SCAMP1: variants seen among roughly 807,000 people sequenced by gnomAD.
The protein encoded by SCAMP1 is secretory carrier-associated membrane protein 1.
In SCAMP1, 15 loss-of-function variants were observed where a neutral mutation model predicts 41.8. The observed-to-expected ratio is 0.36, with a 90% CI of 0.24 to 0.55. The LOEUF is 0.55. Ranked by LOEUF, SCAMP1 falls within the 20% of genes least tolerant of loss-of-function variation. The pLI is 0.86. For missense variants in SCAMP1, 341 were observed against 412.6 expected (o/e 0.83, Z 1.50); for synonymous variants, 135 against 136.8 (o/e 0.99, Z 0.09).
At position 78,430,372 on chromosome 5, in the gene SCAMP1, G is replaced by A. The variant is rs148781794; in HGVS notation, c.632+8412G>A. Among the ~76,000 whole-genome samples the A allele has an allele frequency of 4.5e-4, 66 of 145,476 alleles. 1 individual carries two copies. Among genetic ancestry groups the A allele is most frequent in the African/African-American group, 1.6e-3 (63 of 38,704 alleles). On this transcript the variant is annotated intron_variant, in intron 6 of 8. Coordinates refer to ENST00000621999, the MANE Select transcript of SCAMP1 (RefSeq NM_004866.6). The stretch of plus-strand genomic sequence containing the variant: ...GTACAGCTGTATTGCTACAGTAAAT[G>A]CCTTATTTTGATCTGTTGCTTTATT...
intron 2 of SCAMP1, among the ~76,000 whole-genome samples, chr5:78,389,969 A>G (rs1211248032): frequency 6.6e-6 from 1 of 152,200 alleles, no homozygotes; most frequent in Non-Finnish European, 1.5e-5. Context: ...GCTTCTAGAA[A>G]ATTATCAAAT....
At chr5:78,414,189 A>T (rs1226616650) in intron 2 of SCAMP1, among the ~76,000 whole-genome samples, 2 of 151,934 alleles carry the variant, frequency 1.3e-5, no homozygotes, top group Admixed American at 1.3e-4. Flanking sequence ...CAGATATTTT[A>T]TGGGGGCATG....
At chr5:78,375,496 A>G (rs576516306) in intron 1 of SCAMP1, among the ~76,000 whole-genome samples, 1 of 152,300 alleles carries the variant, frequency 6.6e-6, no homozygotes, top group East Asian at 1.9e-4. Context: ...GCTAACCTAG[A>G]TGAATTTTCT....
At chr5:78,374,832 G>A (rs1282083315) in intron 1 of SCAMP1, among the ~76,000 whole-genome samples, 1 of 151,974 alleles carries the variant, frequency 6.6e-6, no homozygotes, top group African/African-American at 2.4e-5. Context: ...AGACTGTTAC[G>A]ACCCTTGCCA....
At chr5:78,459,714 A>T (rs775471632) in intron 8 of SCAMP1, among the ~76,000 whole-genome samples, 31 of 152,158 alleles carry the variant, frequency 2.0e-4, no homozygotes, top group Non-Finnish European at 3.5e-4. Flanking sequence ...TAAAATTATT[A>T]TGTGATATGT....
chr5:78,478,579 A>G lies in SCAMP1; in HGVS notation c.*2911A>G, dbSNP rs1467255906. On this transcript the variant is annotated 3_prime_UTR_variant, in exon 9 of 9. Coordinates refer to ENST00000621999, the MANE Select transcript of SCAMP1 (RefSeq NM_004866.6). ...CTAGAAGTTAGATTCAAAATGGAAA[A>G]CCTATTCATGGCTCAGATTTTTCAT... 6.6e-6 allele frequency: 1 copy of G among 152,078 alleles called. No homozygotes were observed. The highest frequency in any genetic ancestry group is 2.4e-5 in the African/African-American group (1 of 41,426). 9.4% of individuals were successfully genotyped at this position (152,078 alleles called of 1,614,324 possible).
chr5:78,362,460 C>T (rs1022170157), intron 1 of SCAMP1, among the ~76,000 whole-genome samples: 6 of 152,198 alleles, frequency 3.9e-5, no homozygotes, highest in Admixed American at 3.3e-4. Context: ...TTCTGACATT[C>T]ATAAAGTTGC....
intron 2 of SCAMP1, among the ~76,000 whole-genome samples, chr5:78,403,052 G>A (rs556387826): frequency 3.9e-5 from 6 of 152,060 alleles, no homozygotes; most frequent in South Asian, 4.2e-4. Flanking sequence ...TGTATTTTTC[G>A]TAGAGGCAGG....
At chr5:78,443,281 G>T (rs1022760311) in intron 6 of SCAMP1, among the ~76,000 whole-genome samples, 1 of 147,662 alleles carries the variant, frequency 6.8e-6, no homozygotes. Context: ...CAGCATTTCT[G>T]TTACCAGCTA....
chr5:78,459,166 G>C, intron 7 of SCAMP1, 79 bp from the exon 8 acceptor site: 1 of 720,786 alleles, frequency 1.4e-6, no homozygotes. Context: ...GATAAGTGTT[G>C]AATATGTGTT....
chr5:78,443,771 G>T (rs1027144729), intron 6 of SCAMP1, among the ~76,000 whole-genome samples: 1 of 142,992 alleles, frequency 7.0e-6, no homozygotes, highest in Admixed American at 7.5e-5. Flanking sequence ...TGATCCTCCT[G>T]CCTCAGCCTC....
Position 78,475,813 on chromosome 5 carries a change from A to T in SCAMP1, c.*145A>T. On this transcript the variant is annotated 3_prime_UTR_variant, in exon 9 of 9. Transcript: ENST00000621999. ...CTTGTGCATGGGCTAAAACCAGGAA[A>T]ACTTCCTTGTCTTATTACTTTACCT... is the stretch of plus-strand genomic sequence containing the variant. The T allele has an allele frequency of 1.9e-6, 1 of 521,500 alleles. No homozygotes were observed. The highest frequency in any genetic ancestry group is 3.0e-6 in the Non-Finnish European group (1 of 338,084). 32.3% of individuals were successfully genotyped at this position (521,500 alleles called of 1,614,324 possible). A position where few individuals can be genotyped will look rare whatever the true frequency, so the allele number is the denominator to read the frequency against.
At chr5:78,360,922 T>C in intron 1 of SCAMP1, 194 bp downstream of exon 1, 2 of 585,606 alleles carry the variant, frequency 3.4e-6, no homozygotes, top group South Asian at 4.0e-5. Flanking sequence ...GGCTTGGGGG[T>C]GGAACCTCCT....
chr5:78,457,265 G>A (rs888157633), intron 7 of SCAMP1, among the ~76,000 whole-genome samples: 1 of 152,164 alleles, frequency 6.6e-6, no homozygotes, highest in South Asian at 2.1e-4. Context: ...GGCGCTCTGC[G>A]TTTTAGAGTT....
chr5:78,467,249 A>C (rs1405959897), intron 8 of SCAMP1, among the ~76,000 whole-genome samples: 1 of 152,132 alleles, frequency 6.6e-6, no homozygotes, highest in African/African-American at 2.4e-5. Flanking sequence ...TACTCACAAC[A>C]ATTAAGACTC....
chr5:78,374,164 T>C (rs147494161), intron 1 of SCAMP1, among the ~76,000 whole-genome samples: 2 of 152,266 alleles, frequency 1.3e-5, no homozygotes, highest in African/African-American at 2.4e-5. Context: ...GGAGATATAA[T>C]GTGTGATAAA....
intron 8 of SCAMP1, among the ~76,000 whole-genome samples, chr5:78,469,930 A>AAAAAAAC (rs1753842741): frequency 4.7e-5 from 1 of 21,056 alleles, no homozygotes; most frequent in Non-Finnish European, 9.5e-5. Flanking sequence ...AAAAAAAAAA[A>AAAAAAAC]AACAACAACA....
chr5:78,460,800 CCTTCCTCCCTTCCTTCCTTCCTTT>C (rs1753579364), intron 8 of SCAMP1, among the ~76,000 whole-genome samples: 1 of 34,192 alleles, frequency 2.9e-5, no homozygotes, highest in African/African-American at 1.3e-4. Flanking sequence ...TTCCTTCCTT[CCTTCCTCCCTTCCTTCCTTCCTTT>C]CTTGTCTTTC....
At chr5:78,447,822 CT>C (rs1425684145) in intron 6 of SCAMP1, among the ~76,000 whole-genome samples, 2 of 124,764 alleles carry the variant, frequency 1.6e-5, no homozygotes, top group Admixed American at 7.9e-5. Context: ...CCTCCTCCCC[CT>C]CTCCCTCCCC....
Sources: gnomAD v4.1 joint callset for allele counts (sites outside exome capture counted in the v4.1 genomes callset) on GRCh38, gnomAD v4.1.1 for gene constraint, MANE v1.5 for transcripts, NCBI Gene and HGNC (gene_info 2026-07-23, HGNC 2026-07-21) for gene names.